MID1: variants seen among roughly 807,000 people sequenced by gnomAD.
The protein encoded by MID1 is E3 ubiquitin-protein ligase Midline-1.
MID1 carries 7 observed loss-of-function variants against 40.4 expected under a neutral mutation model. The ratio of observed to expected loss-of-function variants is 0.17; its 90% CI spans 0.10 to 0.33. MID1 has a LOEUF of 0.33. Among genes scored for constraint, MID1 ranks in the 10% least tolerant of loss-of-function variants. The pLI is 1.00. For missense variants in MID1, 367 were observed against 558.5 expected (o/e 0.66, Z 3.46); for synonymous variants, 229 against 221.2 (o/e 1.04, Z -0.31).
chrX:10,622,104 C>T (rs1216583493), upstream of MID1, among the ~76,000 whole-genome samples: 2 of 109,189 alleles, frequency 1.8e-5, no homozygotes, highest in Non-Finnish European at 3.8e-5. Flanking sequence ...AATCTCCAGG[C>T]CCCTGCACCA....
intron 1 of MID1, among the ~76,000 whole-genome samples, chrX:10,786,408 G>A (rs1161387165): frequency 9.0e-6 from 1 of 111,100 alleles, no homozygotes; most frequent in East Asian, 2.8e-4. Context: ...AAGTCAGTGT[G>A]GCGATTCCTC....
At chrX:10,538,799 T>C (rs1933361019) in intron 2 of MID1, among the ~76,000 whole-genome samples, 1 of 112,090 alleles carries the variant, frequency 8.9e-6, no homozygotes. Flanking sequence ...GCTGTGCAAA[T>C]AGAGGCACTG....
At chrX:10,678,139 T>TG (rs2043035338) in intron 1 of MID1, among the ~76,000 whole-genome samples, 1 of 111,561 alleles carries the variant, frequency 9.0e-6, no homozygotes, top group Non-Finnish European at 1.9e-5. Flanking sequence ...ATATCTTTGT[T>TG]ATACGCAATT....
At chrX:10,516,550 T>C (rs1932424786) in intron 3 of MID1, among the ~76,000 whole-genome samples, 1 of 100,496 alleles carries the variant, frequency 1.0e-5, no homozygotes, top group Non-Finnish European at 2.0e-5. Context: ...TTGGCCTTCA[T>C]ACTCTGCTCT....
At chrX:10,492,363 C>G (rs1185758297) in intron 4 of MID1, among the ~76,000 whole-genome samples, 1 of 111,368 alleles carries the variant, frequency 9.0e-6, no homozygotes, top group East Asian at 2.8e-4. Flanking sequence ...CTCTCTCACC[C>G]TCCTTGCTCA....
intron 1 of MID1, among the ~76,000 whole-genome samples, chrX:10,739,177 GA>G (rs762789049): frequency 2.7e-5 from 3 of 111,700 alleles, no homozygotes; most frequent in Non-Finnish European, 5.6e-5. Flanking sequence ...TGAAGATCCA[GA>G]GAGCAAAAAG....
intron 1 of MID1, among the ~76,000 whole-genome samples, chrX:10,782,156 A>C (rs73491022): frequency 0.11 from 11,780 of 111,812 alleles, 1,488 homozygotes; most frequent in African/African-American, 0.36. Flanking sequence ...TTGGTTAATG[A>C]CATTGCCACC....
At position 10,782,171 on chromosome X, in the gene MID1, CAA is replaced by C. The variant is rs759574930; in HGVS notation, c.-187+51381_-187+51382del. ...TTGGTTAATGACATTGCCACCCTGT[CAA>C]TTGCTCAGGATCGAAACCACCAAGT... is the stretch of plus-strand genomic sequence containing the variant. On this transcript the variant is annotated intron_variant, in intron 1 of 10. Coordinates refer to the MID1 transcript ENST00000380785. Among the ~76,000 whole-genome samples the C allele has an allele frequency of 3.6e-3, 401 of 112,195 alleles. 2 individuals are homozygous for C. Among genetic ancestry groups the C allele is most frequent in the Non-Finnish European group, 5.4e-3 (290 of 53,236 alleles).
intron 2 of MID1, among the ~76,000 whole-genome samples, chrX:10,540,706 T>C (rs1933435862): frequency 9.0e-6 from 1 of 111,683 alleles, no homozygotes; most frequent in Non-Finnish European, 1.9e-5. Flanking sequence ...AGGTTCTCCC[T>C]GCCTCTTCTT....
At chrX:10,526,225 A>T (rs1479225045) in intron 2 of MID1, among the ~76,000 whole-genome samples, 2 of 111,413 alleles carry the variant, frequency 1.8e-5, no homozygotes, top group African/African-American at 6.5e-5. Flanking sequence ...AGAGTCAGAG[A>T]ATGAACTAGA....
At chrX:10,574,190 G>T (rs190093960) in intron 1 of MID1, among the ~76,000 whole-genome samples, 6 of 111,922 alleles carry the variant, frequency 5.4e-5, no homozygotes, top group African/African-American at 1.9e-4. Context: ...GGACCCAAAG[G>T]AATCACAAGG....
At chrX:10,590,070 T>C (rs1346466375) in intron 1 of MID1, among the ~76,000 whole-genome samples, 1 of 110,653 alleles carries the variant, frequency 9.0e-6, no homozygotes, top group Non-Finnish European at 1.9e-5. Context: ...AGGGGCTGCA[T>C]GCACTGGTGG....
intron 5 of MID1, among the ~76,000 whole-genome samples, chrX:10,479,344 C>T: frequency 9.0e-6 from 1 of 111,602 alleles, no homozygotes; most frequent in East Asian, 2.8e-4. Context: ...GGGTTACAAA[C>T]AATCCAGTTA....
chrX:10,703,723 T>C (rs918475586), intron 1 of MID1, among the ~76,000 whole-genome samples: 1 of 112,309 alleles, frequency 8.9e-6, no homozygotes, highest in East Asian at 2.8e-4. Context: ...CAATGTTTAA[T>C]ACATTCTTTT....
chrX:10,733,722 T>C (rs1419170477), intron 1 of MID1, among the ~76,000 whole-genome samples: 1 of 111,917 alleles, frequency 8.9e-6, no homozygotes, highest in African/African-American at 3.2e-5. Flanking sequence ...CACAGGGAAA[T>C]GTAAATTAAA....
At chrX:10,655,592 T>C (rs755284401) in intron 1 of MID1, among the ~76,000 whole-genome samples, 2 of 110,970 alleles carry the variant, frequency 1.8e-5, no homozygotes, top group Non-Finnish European at 3.8e-5. Flanking sequence ...ATCACATGAA[T>C]TGGTCACAAA....
At chrX:10,690,798 G>A (rs746985642) in intron 1 of MID1, among the ~76,000 whole-genome samples, 10 of 112,134 alleles carry the variant, frequency 8.9e-5, no homozygotes, top group South Asian at 3.7e-4. Context: ...GGTCTAAATC[G>A]AAATGGGCAA....
intron 1 of MID1, among the ~76,000 whole-genome samples, chrX:10,776,848 A>T (rs2043806070): frequency 8.9e-6 from 1 of 112,406 alleles, no homozygotes; most frequent in Admixed American, 9.4e-5. Flanking sequence ...TAAGTTTTCC[A>T]GGTGGAGAAT....
intron 1 of MID1, among the ~76,000 whole-genome samples, chrX:10,764,559 T>C (rs1008696924): frequency 8.9e-6 from 1 of 112,240 alleles, no homozygotes; most frequent in African/African-American, 3.2e-5. Flanking sequence ...TTTTAAACCT[T>C]AGAATTTTTT....
Sources: gnomAD v4.1 joint callset for allele counts (sites outside exome capture counted in the v4.1 genomes callset) on GRCh38, gnomAD v4.1.1 for gene constraint, MANE v1.5 for transcripts, NCBI Gene and HGNC (gene_info 2026-07-23, HGNC 2026-07-21) for gene names.